The following ARHGAP22 variants were observed in gnomAD, a reference collection of about 807,000 sequenced individuals.
The protein encoded by ARHGAP22 is Rho GTPase activating protein 22.
ARHGAP22 carries 48 observed loss-of-function variants against 59.1 expected under a neutral mutation model. That is an observed-to-expected ratio of 0.81 (90% CI 0.64 to 1.03). The LOEUF is 1.03. ARHGAP22 is among the 50% of genes least tolerant of loss of function. The pLI, the probability that ARHGAP22 is intolerant of heterozygous loss-of-function variation, is 0.00. For synonymous variants in ARHGAP22, 445 were observed against 416.4 expected (o/e 1.07, Z -0.84); for missense variants, 1,015 against 958.7 (o/e 1.06, Z -0.78).
intron 3 of ARHGAP22, among the ~76,000 whole-genome samples, chr10:48,551,938 C>T (rs1333032641): frequency 1.3e-5 from 2 of 152,262 alleles, no homozygotes; most frequent in South Asian, 2.1e-4. Context: ...GGCTTGGCCT[C>T]AAGCTCCACT....
intron 3 of ARHGAP22, among the ~76,000 whole-genome samples, chr10:48,485,345 T>C (rs960344340): frequency 1.3e-5 from 2 of 152,218 alleles, no homozygotes; most frequent in Admixed American, 1.3e-4. Flanking sequence ...TAGTTTCCCT[T>C]TGGATTTCTT....
At chr10:48,569,364 C>T (rs930056557) in intron 2 of ARHGAP22, among the ~76,000 whole-genome samples, 14 of 152,342 alleles carry the variant, frequency 9.2e-5, no homozygotes, top group East Asian at 3.9e-4. Flanking sequence ...ATGTACCCAT[C>T]GTCCTCGGCA....
intron 4 of ARHGAP22, among the ~76,000 whole-genome samples, chr10:48,475,669 A>C (rs1156770725): frequency 6.6e-6 from 1 of 152,170 alleles, no homozygotes; most frequent in Non-Finnish European, 1.5e-5. Flanking sequence ...TCAAGAATTC[A>C]ATGACTTCTT....
chr10:48,647,742 C>T (rs1167944317), intron 1 of ARHGAP22, among the ~76,000 whole-genome samples: 1 of 152,202 alleles, frequency 6.6e-6, no homozygotes, highest in Non-Finnish European at 1.5e-5. Flanking sequence ...CATGTGAATG[C>T]TCATAACAGC....
chr10:48,650,539 C>T (rs1255485333), intron 1 of ARHGAP22, among the ~76,000 whole-genome samples: 1 of 152,176 alleles, frequency 6.6e-6, no homozygotes, highest in African/African-American at 2.4e-5. Context: ...GACTTTTACA[C>T]TTCAAAATGG....
chr10:48,527,921 C>A (rs1018300724), intron 3 of ARHGAP22, among the ~76,000 whole-genome samples: 2 of 152,190 alleles, frequency 1.3e-5, no homozygotes, highest in African/African-American at 2.4e-5. Flanking sequence ...AGAGATAGAA[C>A]CAGGGGGTGG....
At chr10:48,510,913 C>T (rs1370224704) in intron 3 of ARHGAP22, 1 of 152,272 alleles carries the variant, frequency 6.6e-6, no homozygotes, top group Non-Finnish European at 1.5e-5. Flanking sequence ...ACCTCTCCTC[C>T]AACCCCTCCG....
the ARHGAP22 span, chr10:48,434,998 C>T: frequency 1.9e-5 from 30 of 1,607,050 alleles, no homozygotes; most frequent in Non-Finnish European, 2.4e-5. Flanking sequence ...AGTCTAGAAG[C>T]AGCAGCTGGG....
At chr10:48,499,998 T>G (rs2051337540) in intron 3 of ARHGAP22, among the ~76,000 whole-genome samples, 1 of 152,118 alleles carries the variant, frequency 6.6e-6, no homozygotes, top group African/African-American at 2.4e-5. Context: ...AGTGCACTTT[T>G]GAAAGAAAAC....
At chr10:48,559,191 G>A (rs902295089) in intron 2 of ARHGAP22, among the ~76,000 whole-genome samples, 1 of 152,184 alleles carries the variant, frequency 6.6e-6, no homozygotes, top group African/African-American at 2.4e-5. Flanking sequence ...ATCTCAGAAG[G>A]AACCAGGCAC....
chr10:48,506,155 A>C (rs963401738), intron 3 of ARHGAP22, among the ~76,000 whole-genome samples: 5 of 152,132 alleles, frequency 3.3e-5, no homozygotes, highest in Admixed American at 3.3e-4. Context: ...TTTTCACTCA[A>C]GTTCTTTAGG....
At chr10:48,595,786 C>T (rs1258485925) in intron 1 of ARHGAP22, among the ~76,000 whole-genome samples, 2 of 152,146 alleles carry the variant, frequency 1.3e-5, no homozygotes, top group South Asian at 2.1e-4. Flanking sequence ...TCTGGAATTA[C>T]AGGCATGAGC....
chr10:48,523,688 G>A (rs958378211), intron 3 of ARHGAP22, among the ~76,000 whole-genome samples: 4 of 151,978 alleles, frequency 2.6e-5, no homozygotes, highest in African/African-American at 9.7e-5. Flanking sequence ...GGGTCTGGGC[G>A]CCGGGGGTTC....
At chr10:48,452,870 A>C (rs963351674) in intron 8 of ARHGAP22, among the ~76,000 whole-genome samples, 9 of 152,212 alleles carry the variant, frequency 5.9e-5, no homozygotes, top group Non-Finnish European at 1.3e-4. Context: ...TGCTATTTTT[A>C]ATCACTTATT....
chr10:48,462,673 G>C (rs1470248255), intron 4 of ARHGAP22, among the ~76,000 whole-genome samples: 34 of 152,338 alleles, frequency 2.2e-4, no homozygotes. Flanking sequence ...GGCAGAGGTT[G>C]CAATACTAAC....
intron 3 of ARHGAP22, among the ~76,000 whole-genome samples, chr10:48,490,629 C>T (rs541764569): frequency 2.0e-5 from 3 of 152,342 alleles, no homozygotes; most frequent in Non-Finnish European, 2.9e-5. Context: ...GTTCCCACTT[C>T]GGTGGCCACA....
At chr10:48,527,235 G>T (rs2054406605) in intron 3 of ARHGAP22, among the ~76,000 whole-genome samples, 1 of 152,112 alleles carries the variant, frequency 6.6e-6, no homozygotes, top group South Asian at 2.1e-4. Flanking sequence ...GTAAATGGAT[G>T]GATGGATGGG....
At chr10:48,605,969 A>G (rs937477475), upstream of ARHGAP22, among the ~76,000 whole-genome samples, 5 of 152,128 alleles carry the variant, frequency 3.3e-5, no homozygotes, top group African/African-American at 1.2e-4. Flanking sequence ...CCATCACTGC[A>G]TGGTAACAGC....
At chr10:48,484,705 A>G (rs2049682881) in intron 3 of ARHGAP22, among the ~76,000 whole-genome samples, 2 of 152,200 alleles carry the variant, frequency 1.3e-5, no homozygotes, top group Admixed American at 6.5e-5. Context: ...TGTGTCTTTC[A>G]AAGAATTTGT....
Sources: gnomAD v4.1 joint callset for allele counts (sites outside exome capture counted in the v4.1 genomes callset) on GRCh38, gnomAD v4.1.1 for gene constraint, MANE v1.5 for transcripts, NCBI Gene and HGNC (gene_info 2026-07-23, HGNC 2026-07-21) for gene names.